NLRP5: variants seen among roughly 807,000 people sequenced by gnomAD.
NLRP5 encodes NACHT, LRR and PYD domains-containing protein 5.
In NLRP5, 93 loss-of-function variants were observed where a neutral mutation model predicts 113.1. The ratio of observed to expected loss-of-function variants is 0.82; its 90% confidence interval spans 0.70 to 0.98. NLRP5 has a LOEUF of 0.98. NLRP5 is among the 50% of genes least tolerant of loss of function. NLRP5 has a pLI of 0.00. For synonymous variants in NLRP5, 751 were observed against 600.7 expected, an observed-to-expected ratio of 1.25 and a Z score of -3.66; for missense variants, 1,808 against 1,514.3, an observed-to-expected ratio of 1.19 and a Z score of -3.22.
intron 2 of NLRP5, among the ~76,000 whole-genome samples, chr19:56,004,442 C>G (rs1981777603): frequency 6.6e-6 from 1 of 152,174 alleles, no homozygotes; most frequent in Non-Finnish European, 1.5e-5. Context: ...TTGGATCCCA[C>G]ATCTTGGAAC....
the NLRP5 span, among the ~76,000 whole-genome samples, chr19:55,992,773 CT>C: frequency 5.9e-5 from 9 of 152,152 alleles, no homozygotes; most frequent in Non-Finnish European, 8.8e-5. Flanking sequence ...TTGCTGACCC[CT>C]GATCTTTGTC....
At chr19:55,997,380 A>G (rs985552086), upstream of NLRP5, among the ~76,000 whole-genome samples, 25 of 152,184 alleles carry the variant, frequency 1.6e-4, no homozygotes, top group African/African-American at 6.0e-4. Context: ...AGATTTTTGT[A>G]TCTATGTTCA....
rs535473515 is a variant in NLRP5 at position 56,036,213 on chromosome 19, G to A, written c.2616-1812G>A. Among the ~76,000 whole-genome samples, 104 of 151,594 alleles carry A rather than the reference G, an allele frequency of 6.9e-4. 1 individual carries two copies. The South Asian group carries it at 0.02, about 29-fold the overall frequency. ...TAAGTAGCTAGGACTACAGGCGCCC[G>A]CCACCACGCCCGGCTAATTTTTTTG... On this transcript the variant is annotated intron_variant, in intron 9 of 14. Transcript: ENST00000390649.
At chr19:56,025,756 A>T (rs1017632599) in intron 6 of NLRP5, among the ~76,000 whole-genome samples, 1 of 152,000 alleles carries the variant, frequency 6.6e-6, no homozygotes. Context: ...CGTGGGGGAA[A>T]CCAAGGGATG....
chr19:56,052,561 T>C lies in NLRP5; in HGVS notation c.3129-1077T>C, dbSNP rs114254156. Among the ~76,000 whole-genome samples, 310 of 152,264 alleles carry C rather than the reference T, an allele frequency of 2.0e-3. 2 individuals are homozygous for C. Among genetic ancestry groups the C allele is most frequent in the African/African-American group, 7.1e-3 (294 of 41,560 alleles). On this transcript the variant is annotated intron_variant, in intron 12 of 14. Coordinates refer to ENST00000390649, the MANE Select transcript of NLRP5 (RefSeq NM_153447.4). ...CTGGGATTAGAGGCGTGAGCCACTG[T>C]ACCCAGCCTGCATCCCTCTTTATTC...
At chr19:56,031,655 C>T (rs185198104) in intron 7 of NLRP5, among the ~76,000 whole-genome samples, 1 of 151,078 alleles carries the variant, frequency 6.6e-6, no homozygotes, top group East Asian at 2.0e-4. Flanking sequence ...AATGTAGACT[C>T]ATGCAGCATT....
intron 2 of NLRP5, among the ~76,000 whole-genome samples, chr19:56,008,053 C>G (rs370417966): frequency 3.7e-5 from 5 of 134,186 alleles, no homozygotes; most frequent in Admixed American, 7.7e-5. Flanking sequence ...CTCAGCCTCC[C>G]GAGTAGCTGG....
intron 8 of NLRP5, 119 bp downstream of exon 8, chr19:56,032,900 C>T: frequency 9.9e-7 from 1 of 1,013,584 alleles, no homozygotes; most frequent in Non-Finnish European, 1.4e-6. Flanking sequence ...ATAAGTGCCA[C>T]CAAAGGTGTA....
At chr19:56,013,237 G>A (rs1002216921) in intron 3 of NLRP5, among the ~76,000 whole-genome samples, 5 of 152,010 alleles carry the variant, frequency 3.3e-5, no homozygotes. Context: ...CTGTTGCTGA[G>A]GCTGGAGTGC....
chr19:56,034,362 G>A (rs908123358), intron 9 of NLRP5, among the ~76,000 whole-genome samples: 2 of 152,118 alleles, frequency 1.3e-5, no homozygotes, highest in African/African-American at 4.8e-5. Context: ...CTCCAGCCTG[G>A]GCAACAAGAG....
At chr19:55,993,318 C>T in the NLRP5 span, among the ~76,000 whole-genome samples, 1 of 147,448 alleles carries the variant, frequency 6.8e-6, no homozygotes, top group Non-Finnish European at 1.5e-5. Context: ...CTGCAGAACA[C>T]CTGCACCCAT....
rs1309490998 is a variant in NLRP5 at position 56,040,941 on chromosome 19, A to C, written c.2806A>C (p.Thr936Pro). ...TTGCAGACTGGAGGACTGTGGCATC[A>C]CAGCCACGGGTTGCCAGAGTCTGGC... Residue 936 changes from threonine to proline, a missense_variant, in exon 11 of 15, where the codon ACA (threonine) becomes CCA (proline). Coordinates refer to ENST00000390649, the MANE Select transcript of NLRP5 (RefSeq NM_153447.4). The C allele has an allele frequency of 6.2e-7, 1 of 1,613,884 alleles. No homozygotes were observed. The highest frequency in any genetic ancestry group is 1.7e-5 in the Admixed American group (1 of 60,010).
In NLRP5 at chr19:56,040,636, A is replaced by G. The variant is rs147415109; in HGVS notation, c.2787-286A>G. Among the ~76,000 whole-genome samples, 7 of 152,282 alleles carry G rather than the reference A, an allele frequency of 4.6e-5. No individual in the cohort carries two copies. The East Asian group carries it at 9.6e-4, about 21-fold the overall frequency. On this transcript the variant is annotated intron_variant, in intron 10 of 14. Transcript: ENST00000390649. The stretch of plus-strand genomic sequence containing the variant: ...ACTCATTCCGGCAAAGCCTTACATC[A>G]TAGCCATGTGGGGACTGGAAATGGC...
chr19:56,012,682 A>G (rs2123283241), intron 3 of NLRP5, among the ~76,000 whole-genome samples: 1 of 107,452 alleles, frequency 9.3e-6, no homozygotes, highest in South Asian at 2.8e-4. Flanking sequence ...CCTTGGAACG[A>G]TCTTACAATT....
intron 13 of NLRP5, among the ~76,000 whole-genome samples, chr19:56,056,279 C>G (rs534851906): frequency 2.0e-5 from 3 of 152,068 alleles, no homozygotes; most frequent in Non-Finnish European, 4.4e-5. Flanking sequence ...AAAGCATGGC[C>G]GGGTGTGGTG....
At chr19:56,056,575 C>T (rs1984161180) in intron 13 of NLRP5, among the ~76,000 whole-genome samples, 1 of 152,048 alleles carries the variant, frequency 6.6e-6, no homozygotes, top group South Asian at 2.1e-4. Flanking sequence ...AAAAGCATCC[C>T]TGCGGTAGTT....
chr19:56,030,927 T>C (rs1428449746), intron 7 of NLRP5, among the ~76,000 whole-genome samples: 1 of 151,832 alleles, frequency 6.6e-6, no homozygotes, highest in African/African-American at 2.4e-5. Flanking sequence ...TTGGCCAGGC[T>C]GGTCTTGAAC....
chr19:56,007,357 G>GACT, intron 2 of NLRP5, among the ~76,000 whole-genome samples: 1 of 53,700 alleles, frequency 1.9e-5, no homozygotes, highest in Non-Finnish European at 4.3e-5. Context: ...GATTGAGACT[G>GACT]TCTTTTTTTT....
At chr19:56,015,690 G>T in intron 3 of NLRP5, 52 bp from the exon 4 acceptor site, 2 of 1,431,748 alleles carry the variant, frequency 1.4e-6, no homozygotes, top group South Asian at 1.4e-5. Flanking sequence ...TCTCTGATTT[G>T]AATAATATAC....
Sources: allele counts gnomAD v4.1 joint callset (sites outside exome capture counted in the v4.1 genomes callset), GRCh38; gene constraint gnomAD v4.1.1; transcripts MANE v1.5; gene names NCBI Gene and HGNC (gene_info 2026-07-23, HGNC 2026-07-21).